SI: variants seen among roughly 807,000 people sequenced by gnomAD.
SI encodes the protein sucrase-isomaltase, also known as sucrase-isomaltase, intestinal.
Under a neutral mutation model 253.3 loss-of-function variants are expected in SI, and 235 were observed. That is an observed-to-expected ratio of 0.93 (90% CI 0.83 to 1.03). SI has a LOEUF of 1.03. SI is among the 50% of genes least tolerant of loss of function. The pLI is 0.00. For missense variants in SI, 2,442 were observed against 2,211.1 expected, an observed-to-expected ratio of 1.10 and a Z score of -2.09; for synonymous variants, 819 against 712.0, an observed-to-expected ratio of 1.15 and a Z score of -2.39.
chr3:165,013,215 C>T (rs778185317), intron 33 of SI, among the ~76,000 whole-genome samples, 173 bp from the exon 34 acceptor site: 1 of 152,130 alleles, frequency 6.6e-6, no homozygotes, highest in Admixed American at 6.5e-5. Context: ...GCAAACTATT[C>T]CCATTTTCCA....
intron 45 of SI, among the ~76,000 whole-genome samples, chr3:164,985,056 T>C (rs1363010836): frequency 6.6e-6 from 1 of 152,156 alleles, no homozygotes; most frequent in African/African-American, 2.4e-5. Flanking sequence ...TTTTTTATAC[T>C]TGCATGAGGA....
chr3:165,083,762 G>A, the SI span, among the ~76,000 whole-genome samples: 1 of 151,838 alleles, frequency 6.6e-6, no homozygotes, highest in Non-Finnish European at 1.5e-5. Flanking sequence ...TATGTAACTT[G>A]CCAAGTATTT....
At chr3:165,050,423 T>C (rs1373620809) in intron 13 of SI, among the ~76,000 whole-genome samples, 1 of 152,088 alleles carries the variant, frequency 6.6e-6, no homozygotes, top group Non-Finnish European at 1.5e-5. Context: ...CAGGTGAGCA[T>C]GATCACACTC....
intron 31 of SI, among the ~76,000 whole-genome samples, chr3:165,016,801 C>T (rs1456670979): frequency 1.3e-5 from 2 of 151,756 alleles, no homozygotes; most frequent in South Asian, 2.1e-4. Context: ...ATAATGTATA[C>T]CTCCTTTTAA....
In SI at chr3:165,018,034, A is replaced by G. The variant is rs745908409; in HGVS notation, c.3456T>C (p.Tyr1152=). 1 of 1,610,644 alleles carries G rather than the reference A, an allele frequency of 6.2e-7. No individual in the cohort carries two copies. The highest frequency in any genetic ancestry group is 8.5e-7 in the Non-Finnish European group (1 of 1,177,042). The stretch of plus-strand genomic sequence containing the variant: ...TGCCCTCCTCTTCCAGAGCCATGTA[A>G]TAGGGATGAAATCCATAGGAATTAA... ...YKLNSYGFHP[Y]YMALEEEGNA... The change falls in exon 29 of 48, where the codon TAT becomes TAC. Residue 1152 remains tyrosine (Y), a synonymous_variant. Coordinates refer to ENST00000264382, the MANE Select transcript of SI (RefSeq NM_001041.4).
chr3:165,040,924 T>C lies in SI; in HGVS notation c.2159+16A>G, dbSNP rs1220687020. The C allele has an allele frequency of 1.3e-6, 2 of 1,585,030 alleles. No homozygotes were observed. The highest frequency in any genetic ancestry group is 1.7e-6 in the Non-Finnish European group (2 of 1,154,194). ...CTTTAAAAGGTATTATTATAATTATTGTACGTAGTACTCACTCATGAAGAA... is the reference window on the plus strand; with the variant it reads ...CTTTAAAAGGTATTATTATAATTATCGTACGTAGTACTCACTCATGAAGAA... On this transcript the variant is annotated intron_variant, in intron 18 of 47. Coordinates refer to ENST00000264382, the MANE Select transcript of SI (RefSeq NM_001041.4).
At chr3:164,986,691 G>T (rs1306203084) in intron 45 of SI, among the ~76,000 whole-genome samples, 2 of 152,082 alleles carry the variant, frequency 1.3e-5, no homozygotes, top group Non-Finnish European at 2.9e-5. Flanking sequence ...CGTGTGCTTT[G>T]TTATAGAGGT....
chr3:165,089,198 A>G, the SI span, among the ~76,000 whole-genome samples: 4 of 152,076 alleles, frequency 2.6e-5, no homozygotes, highest in African/African-American at 7.2e-5. Context: ...AGAAAAACAG[A>G]GATGTCCTTC....
At chr3:164,992,098 T>TA (rs1215653561) in intron 43 of SI, 79 bp downstream of exon 43, 1 of 1,150,774 alleles carries the variant, frequency 8.7e-7, no homozygotes, top group Non-Finnish European at 1.3e-6. Context: ...AAATCCAACA[T>TA]ACCGTTAATG....
rs1453717899 is a variant in SI, at chr3:165,059,005, C to G, written c.1356G>C (p.Val452=). The part of the protein sequence containing the change: ...ATYERGNTQH[V]WINESDGSTP... ...TACTTCCATCTGACTCATTTATCCA[C>G]ACATGTTGTGTGTTTCCCCTCTCAT... Residue 452 remains valine (V), a synonymous_variant, in exon 12 of 48, where the codon GTG becomes GTC. Transcript: ENST00000264382. 6.2e-7 allele frequency: 1 copy of G among 1,612,216 alleles called. No individual in the cohort carries two copies. The highest frequency in any genetic ancestry group is 8.5e-7 in the Non-Finnish European group (1 of 1,178,808).
intron 31 of SI, among the ~76,000 whole-genome samples, chr3:165,016,484 A>T (rs1719037572): frequency 6.6e-6 from 1 of 151,982 alleles, no homozygotes; most frequent in Non-Finnish European, 1.5e-5. Flanking sequence ...GTTTCCGGGA[A>T]GTATACAGCA....
At chr3:165,055,356 A>T in intron 12 of SI, 49 bp from the exon 13 acceptor site, 1 of 993,514 alleles carries the variant, frequency 1.0e-6, no homozygotes, top group Non-Finnish European at 1.6e-6. Context: ...AGAAAAATAA[A>T]TAAATGGAAT....
chr3:164,992,301 G>T lies in SI; in HGVS notation c.4926+12C>A, dbSNP rs1717789764. 6.2e-7 allele frequency: 1 copy of T among 1,611,714 alleles called. No individual in the cohort carries two copies. The highest frequency in any genetic ancestry group is 1.3e-5 in the African/African-American group (1 of 74,814). On this transcript the variant is annotated intron_variant, in intron 42 of 47. Transcript: ENST00000264382. Reference sequence around the variant, plus strand: ...GAAAATTGTGTAAACAAAAATATGTGGTAGGACTTACAGGTTCCAGTACTG... The same window carrying T: ...GAAAATTGTGTAAACAAAAATATGTTGTAGGACTTACAGGTTCCAGTACTG...
rs201944977 is a variant in SI at position 165,036,389 on chromosome 3, C to T, written c.2515G>A (p.Asp839Asn). 3.1e-6 allele frequency: 5 copies of T among 1,603,116 alleles called. No individual in the cohort carries two copies. The highest frequency in any genetic ancestry group is 4.5e-5 in the East Asian group (2 of 44,580). The part of the protein sequence containing the change: ...DFFWDDGETK[D>N]TIQNGNYILY... ...TAAAGCGTATTACTTTCAGACTTAC[C>T]TTTAGTTTCTCCATCATCCCAGAAA... The change falls in exon 22 of 48, where the codon GAT becomes AAT. Residue 839 changes from aspartate to asparagine, a missense_variant and splice_region_variant. Coordinates refer to ENST00000264382, the MANE Select transcript of SI (RefSeq NM_001041.4).
chr3:164,996,579 C>A lies in SI; in HGVS notation c.4648G>T (p.Ala1550Ser), dbSNP rs766815320. The change falls in exon 40 of 48, where the codon GCA (alanine) becomes TCA (serine). Residue 1550 changes from alanine to serine, a missense_variant. Physicochemically the swap from Ala to Ser is moderately conservative, Grantham distance 99 (BLOSUM62 1). Coordinates refer to ENST00000264382, the MANE Select transcript of SI (RefSeq NM_001041.4). ...TGATTCCTTGAGTATGGATAAAATG[C>A]TCCAAGTTGCATCCAGCGGGTACAG... ...HLCTRWMQLG[A>S]FYPYSRNHNI... is the part of the protein sequence containing the mutation. The A allele has an allele frequency of 6.2e-7, 1 of 1,608,418 alleles. No individual in the cohort carries two copies. The highest frequency in any genetic ancestry group is 8.5e-7 in the Non-Finnish European group (1 of 1,175,668).
chr3:165,039,860 TAAG>T (rs765091328), intron 19 of SI, 24 bp downstream of exon 19: 1 of 1,471,490 alleles, frequency 6.8e-7, no homozygotes. Flanking sequence ...GTTCAAACAA[TAAG>T]GTTATTAAAC....
At chr3:164,998,483 AAGTG>A (rs1371875033) in intron 38 of SI, 53 bp downstream of exon 38, 1 of 1,572,922 alleles carries the variant, frequency 6.4e-7, no homozygotes, top group Non-Finnish European at 8.7e-7. Context: ...GCACCAGCAA[AAGTG>A]AGTATCTAAT....
Position 164,998,606 on chromosome 3 carries a change from G to T in SI, c.4474C>A (p.Arg1492=). 1 of 1,611,026 alleles carries T rather than the reference G, an allele frequency of 6.2e-7. No individual in the cohort carries two copies. Among genetic ancestry groups the T allele is most frequent in the Middle Eastern group, 1.7e-4 (1 of 6,042 alleles). Residue 1492 remains arginine, a synonymous_variant, in exon 38 of 48, where the codon CGA becomes AGA. Transcript: ENST00000264382. ...TCTCCAAGCCAGTGTCCTCCCCATCGTCCACTAGTAGGATACGTGGAACGA... is the reference window on the plus strand; with the variant it reads ...TCTCCAAGCCAGTGTCCTCCCCATCTTCCACTAGTAGGATACGTGGAACGA... ...ISRSTYPTSG[R]WGGHWLGDNY...
At chr3:165,086,378 T>C in the SI span, among the ~76,000 whole-genome samples, 2 of 152,184 alleles carry the variant, frequency 1.3e-5, no homozygotes, top group East Asian at 1.9e-4. Context: ...TGCTGTGCTT[T>C]GGATAGGAAC....
Sources: allele counts gnomAD v4.1 joint callset (sites outside exome capture counted in the v4.1 genomes callset), GRCh38; gene constraint gnomAD v4.1.1; transcripts MANE v1.5; gene names NCBI Gene and HGNC (gene_info 2026-07-23, HGNC 2026-07-21).